Variants in SLC2A12 observed in about 807,000 individuals in gnomAD.
SLC2A12 encodes the protein solute carrier family 2 member 12, also known as solute carrier family 2, facilitated glucose transporter member 12.
A neutral mutation model predicts 41.8 loss-of-function variants in SLC2A12; 23 were observed. The observed-to-expected ratio is 0.55, with a 90% CI of 0.40 to 0.78. The LOEUF (loss-of-function observed/expected upper bound fraction) is 0.78, where lower values mean the gene tolerates loss of function less well. SLC2A12 is among the 30% of genes least tolerant of loss of function. The pLI is 0.00. For synonymous variants in SLC2A12, 295 were observed against 285.9 expected, an observed-to-expected ratio of 1.03 and a Z score of -0.32; for missense variants, 654 against 745.6, an observed-to-expected ratio of 0.88 and a Z score of 1.43.
intron 1 of SLC2A12, among the ~76,000 whole-genome samples, chr6:134,031,297 C>T (rs1441091193): frequency 6.6e-6 from 1 of 152,062 alleles, no homozygotes; most frequent in Non-Finnish European, 1.5e-5. Flanking sequence ...GAGGCTGAGG[C>T]AGGAGAATCA....
chr6:134,046,470 A>C (rs1038332368), intron 1 of SLC2A12, among the ~76,000 whole-genome samples: 32 of 152,228 alleles, frequency 2.1e-4, no homozygotes, highest in African/African-American at 7.5e-4. Context: ...TGATGTAATA[A>C]ATTATTTTAG....
intron 2 of SLC2A12, among the ~76,000 whole-genome samples, chr6:134,018,883 A>G (rs562260513): frequency 1.3e-5 from 2 of 152,290 alleles, no homozygotes; most frequent in Admixed American, 6.5e-5. Context: ...GAGTGAATCA[A>G]TGAATCCCTA....
intron 1 of SLC2A12, among the ~76,000 whole-genome samples, chr6:134,049,286 T>C (rs949143770): frequency 6.6e-6 from 1 of 152,246 alleles, no homozygotes; most frequent in African/African-American, 2.4e-5. Flanking sequence ...GCTGACAACC[T>C]GCACTCATAC....
chr6:133,998,142 T>C (rs1196263390), intron 4 of SLC2A12, among the ~76,000 whole-genome samples: 1 of 152,174 alleles, frequency 6.6e-6, no homozygotes, highest in African/African-American at 2.4e-5. Flanking sequence ...ATTTCCTAAG[T>C]CAGAATTTTA....
intron 2 of SLC2A12, among the ~76,000 whole-genome samples, chr6:134,018,266 A>G (rs1170564828): frequency 1.3e-5 from 2 of 152,126 alleles, no homozygotes; most frequent in African/African-American, 2.4e-5. Flanking sequence ...GCCACAAACC[A>G]TGCACTGAAC....
At chr6:134,033,115 G>A (rs1048420694) in intron 1 of SLC2A12, among the ~76,000 whole-genome samples, 2 of 151,842 alleles carry the variant, frequency 1.3e-5, no homozygotes, top group Admixed American at 6.6e-5. Flanking sequence ...GAGGTAGGAC[G>A]GAAAGGGCTT....
chr6:134,046,361 A>G (rs1224806428), intron 1 of SLC2A12, among the ~76,000 whole-genome samples: 1 of 152,222 alleles, frequency 6.6e-6, no homozygotes, highest in Non-Finnish European at 1.5e-5. Context: ...ATATATTCCT[A>G]AAAGTCAAAC....
At chr6:134,013,643 A>G (rs1416017955) in intron 2 of SLC2A12, among the ~76,000 whole-genome samples, 1 of 151,598 alleles carries the variant, frequency 6.6e-6, no homozygotes, top group African/African-American at 2.4e-5. Context: ...GAGTTGAAAA[A>G]ATTTTGTTAA....
intron 2 of SLC2A12, among the ~76,000 whole-genome samples, chr6:134,011,664 C>T (rs550499276): frequency 2.6e-5 from 4 of 151,996 alleles, no homozygotes; most frequent in African/African-American, 7.3e-5. Flanking sequence ...AACAGGAGAT[C>T]GAGGCTGCAG....
At position 134,006,912 on chromosome 6, in the gene SLC2A12, C is replaced by T. The variant is rs770545980; in HGVS notation, c.1467G>A (p.Glu489=). Residue 489 remains glutamate (E), a synonymous_variant, in exon 3 of 5, where the codon GAG becomes GAA. Transcript: ENST00000275230. ...LGPMPWLVLS[E]IFPGGIRGRA... ...GTCCTCTGATCCCACCAGGAAAGATCTCGCTGAGCACCAGCCAGGGCACTA... is the reference window on the plus strand; with the variant it reads ...GTCCTCTGATCCCACCAGGAAAGATTTCGCTGAGCACCAGCCAGGGCACTA... 1.2e-6 allele frequency: 2 copies of T among 1,614,124 alleles called. No homozygotes were observed. Among genetic ancestry groups the T allele is most frequent in the South Asian group, 1.1e-5 (1 of 91,084 alleles).
chr6:134,007,068 C>T, intron 2 of SLC2A12, 134 bp from the exon 3 acceptor site: 1 of 1,261,446 alleles, frequency 7.9e-7, no homozygotes, highest in Non-Finnish European at 1.1e-6. Context: ...TTTCCTACCT[C>T]AGCAGAACAG....
intron 2 of SLC2A12, among the ~76,000 whole-genome samples, chr6:134,021,767 A>G (rs1167201192): frequency 6.6e-6 from 1 of 152,242 alleles, no homozygotes; most frequent in Non-Finnish European, 1.5e-5. Flanking sequence ...TACTCTAGAA[A>G]CACACTAGTA....
chr6:134,030,552 C>T (rs1240500992), intron 1 of SLC2A12, among the ~76,000 whole-genome samples: 1 of 152,034 alleles, frequency 6.6e-6, no homozygotes, highest in Non-Finnish European at 1.5e-5. Context: ...GTGGTAGGAA[C>T]ACAGATGTTT....
At chr6:134,020,142 G>T (rs1402546687) in intron 2 of SLC2A12, among the ~76,000 whole-genome samples, 2 of 152,104 alleles carry the variant, frequency 1.3e-5, no homozygotes, top group African/African-American at 4.8e-5. Context: ...GTAAAATGAC[G>T]TGGGGCATCC....
chr6:134,044,528 A>G (rs1049929790), intron 1 of SLC2A12, among the ~76,000 whole-genome samples: 3 of 152,126 alleles, frequency 2.0e-5, no homozygotes, highest in African/African-American at 4.8e-5. Context: ...AGCCTGGCCA[A>G]CATGATGAAA....
chr6:134,012,600 A>G (rs763667920), intron 2 of SLC2A12, among the ~76,000 whole-genome samples: 4 of 152,224 alleles, frequency 2.6e-5, no homozygotes, highest in Non-Finnish European at 4.4e-5. Context: ...TAGAATAGTT[A>G]TATTACTCTT....
At chr6:134,038,984 C>T (rs532421779) in intron 1 of SLC2A12, among the ~76,000 whole-genome samples, 1 of 152,066 alleles carries the variant, frequency 6.6e-6, no homozygotes. Context: ...GGATTACAGG[C>T]GTGAGCTATC....
intron 2 of SLC2A12, among the ~76,000 whole-genome samples, chr6:134,014,632 G>A (rs116741657): frequency 0.014 from 2,071 of 152,274 alleles, 47 homozygotes; most frequent in African/African-American, 0.045. Flanking sequence ...TTAACACTGA[G>A]TCATGGAAAA....
chr6:134,043,507 T>G (rs1467390338), intron 1 of SLC2A12, among the ~76,000 whole-genome samples: 1 of 152,086 alleles, frequency 6.6e-6, no homozygotes, highest in Non-Finnish European at 1.5e-5. Context: ...TTTTCTTGAT[T>G]TCTCAGGCCA....
Sources: allele counts gnomAD v4.1 joint callset (sites outside exome capture counted in the v4.1 genomes callset), GRCh38; gene constraint gnomAD v4.1.1; transcripts MANE v1.5; gene names NCBI Gene and HGNC (gene_info 2026-07-23, HGNC 2026-07-21).